TMEM182: variants seen among roughly 807,000 people sequenced by gnomAD.
The protein encoded by TMEM182 is transmembrane protein 182.
TMEM182 carries 20 observed loss-of-function variants against 26.8 expected under a neutral mutation model. The ratio of observed to expected loss-of-function variants is 0.75; its 90% CI spans 0.53 to 1.09. The LOEUF (loss-of-function observed/expected upper bound fraction) is 1.09. Among genes scored for constraint, TMEM182 ranks in the 50% least tolerant of loss-of-function variants. The pLI is 0.00. For synonymous variants in TMEM182, 109 were observed against 102.2 expected (o/e 1.07, Z -0.40); for missense variants, 277 against 275.5 (o/e 1.01, Z -0.04).
In TMEM182 at chr2:102,762,601, T is replaced by C. The variant is rs1232410286; in HGVS notation, c.147T>C (p.Thr49=). ...GTTCTGTGCAGATAGAGAACGTCACTTTTCACCATGAAGGGTTCTTCTGGA... is the reference window on the plus strand; with the variant it reads ...GTTCTGTGCAGATAGAGAACGTCACCTTTCACCATGAAGGGTTCTTCTGGA... ...CSGEKNIENV[T]FHHEGFFWRC... is the part of the protein sequence containing the mutation. The change falls in exon 2 of 5, where the codon ACT becomes ACC. Residue 49 remains threonine (T), a synonymous_variant. Transcript: ENST00000412401. The C allele has an allele frequency of 1.9e-6, 3 of 1,613,804 alleles. No homozygotes were observed. The highest frequency in any genetic ancestry group is 2.5e-6 in the Non-Finnish European group (3 of 1,179,856).
At chr2:102,784,739 C>T (rs956860155) in intron 3 of TMEM182, among the ~76,000 whole-genome samples, 1 of 152,170 alleles carries the variant, frequency 6.6e-6, no homozygotes, top group Non-Finnish European at 1.5e-5. Flanking sequence ...CATGCCTCCC[C>T]TTTTTAGACC....
intron 3 of TMEM182, among the ~76,000 whole-genome samples, chr2:102,770,652 G>T (rs1680634725): frequency 1.3e-5 from 2 of 152,180 alleles, no homozygotes. Context: ...GGTTGTATCA[G>T]AATGATGGGA....
rs186808875 is a variant in TMEM182 at position 102,801,633 on chromosome 2, C to T, written c.469+3633C>T. 8.7e-4 allele frequency among the ~76,000 whole-genome samples: 133 copies of T among 152,230 alleles called. 1 individual carries two copies. Among genetic ancestry groups the T allele is most frequent in the Non-Finnish European group, 5.3e-4 (36 of 68,014 alleles). ...GCTTCTCATGACCTTCATTGTGCCG[C>T]TTAGATAAAACAAAATACTTGAAGT... On this transcript the variant is annotated intron_variant, in intron 4 of 4. Transcript: ENST00000412401.
At chr2:102,766,459 A>G (rs1680435555) in intron 3 of TMEM182, among the ~76,000 whole-genome samples, 1 of 152,346 alleles carries the variant, frequency 6.6e-6, no homozygotes, top group South Asian at 2.1e-4. Flanking sequence ...CACTTTAGGT[A>G]GAAATGATTG....
At chr2:102,819,488 C>T (rs1446659327), downstream of TMEM182, among the ~76,000 whole-genome samples, 1 of 152,080 alleles carries the variant, frequency 6.6e-6, no homozygotes, top group Non-Finnish European at 1.5e-5. Flanking sequence ...GTACCTATAA[C>T]CACATACCTA....
intron 4 of TMEM182, 125 bp downstream of exon 4, chr2:102,798,125 C>T: frequency 8.2e-7 from 1 of 1,222,638 alleles, no homozygotes; most frequent in South Asian, 1.6e-5. Flanking sequence ...GTATACAATA[C>T]TTCTTGAACA....
chr2:102,750,059 A>G (rs1351352253), intron 1 of TMEM182, among the ~76,000 whole-genome samples: 1 of 152,064 alleles, frequency 6.6e-6, no homozygotes, highest in Non-Finnish European at 1.5e-5. Context: ...ATGAAGCAGG[A>G]AAAGATGGCT....
At chr2:102,758,610 C>A, upstream of TMEM182, 1 of 620,072 alleles carries the variant, frequency 1.6e-6, no homozygotes, top group Non-Finnish European at 3.0e-6. Context: ...CAAGCTGGGC[C>A]AGATCAGCAC....
At chr2:102,759,606 A>T (rs976479511), upstream of TMEM182, among the ~76,000 whole-genome samples, 1 of 152,170 alleles carries the variant, frequency 6.6e-6, no homozygotes, top group Non-Finnish European at 1.5e-5. Context: ...ATAGAATAGC[A>T]TGTGTATTAA....
At chr2:102,794,559 T>G (rs751606258) in intron 3 of TMEM182, among the ~76,000 whole-genome samples, 5 of 152,228 alleles carry the variant, frequency 3.3e-5, no homozygotes, top group Non-Finnish European at 7.3e-5. Context: ...TTCTATATTT[T>G]CACCACGTGC....
chr2:102,760,699 C>T (rs890697850), upstream of TMEM182, among the ~76,000 whole-genome samples: 1 of 152,066 alleles, frequency 6.6e-6, no homozygotes. Flanking sequence ...ACTGCAACCT[C>T]AACCTCCCGG....
chr2:102,842,792 G>A (rs1683379953), intron 3 of TMEM182, among the ~76,000 whole-genome samples: 1 of 151,980 alleles, frequency 6.6e-6, no homozygotes, highest in South Asian at 2.1e-4. Context: ...ATGAAGGAAG[G>A]GACAGTGTGC....
At chr2:102,778,636 T>C (rs1681030714) in intron 3 of TMEM182, among the ~76,000 whole-genome samples, 1 of 152,088 alleles carries the variant, frequency 6.6e-6, no homozygotes. Context: ...TTATCTATAG[T>C]GGTCTTGAGT....
intron 3 of TMEM182, among the ~76,000 whole-genome samples, chr2:102,781,895 G>A (rs1373875311): frequency 2.6e-5 from 4 of 152,152 alleles, no homozygotes; most frequent in African/African-American, 9.7e-5. Flanking sequence ...CTGGGATGAG[G>A]AATTTGATCC....
intron 1 of TMEM182, among the ~76,000 whole-genome samples, chr2:102,755,391 G>A (rs1444796206): frequency 6.6e-6 from 1 of 152,154 alleles, no homozygotes; most frequent in East Asian, 1.9e-4. Flanking sequence ...AAGGAAATTA[G>A]GGAAGGCAGG....
intron 3 of TMEM182, among the ~76,000 whole-genome samples, chr2:102,782,380 A>G (rs1199419048): frequency 6.6e-6 from 1 of 152,164 alleles, no homozygotes; most frequent in East Asian, 1.9e-4. Context: ...AATAATAAAA[A>G]TAGAAAAATA....
At chr2:102,785,434 A>C (rs963446798) in intron 3 of TMEM182, among the ~76,000 whole-genome samples, 2 of 152,110 alleles carry the variant, frequency 1.3e-5, no homozygotes, top group African/African-American at 4.8e-5. Flanking sequence ...CTAATTGTAT[A>C]TTTCTTTCCT....
At chr2:102,795,520 C>G (rs1681832454) in intron 3 of TMEM182, among the ~76,000 whole-genome samples, 1 of 152,166 alleles carries the variant, frequency 6.6e-6, no homozygotes, top group South Asian at 2.1e-4. Context: ...AATTTTAATT[C>G]ATTTTTCAAA....
At position 102,800,951 on chromosome 2, in the gene TMEM182, G is replaced by A. The variant is rs1489344262; in HGVS notation, c.469+2951G>A. Among the ~76,000 whole-genome samples, 6 of 152,000 alleles carry A rather than the reference G, an allele frequency of 3.9e-5. 1 individual carries two copies. The highest frequency in any genetic ancestry group is 1.5e-4 in the African/African-American group (6 of 41,378). ...GCTGAGAACTGTGTAGGAGGATAAA[G>A]CATTTAATGTACTCATATATCCATA... On this transcript the variant is annotated intron_variant, in intron 4 of 4. Transcript: ENST00000412401.
Sources: allele counts gnomAD v4.1 joint callset (sites outside exome capture counted in the v4.1 genomes callset), GRCh38; gene constraint gnomAD v4.1.1; transcripts MANE v1.5; gene names NCBI Gene and HGNC (gene_info 2026-07-23, HGNC 2026-07-21).